KAZN: variants seen among roughly 807,000 people sequenced by gnomAD.
The protein encoded by KAZN is kazrin, periplakin interacting protein, also known as kazrin.
Under a neutral mutation model 87.4 loss-of-function variants are expected in KAZN, and 40 were observed. The observed-to-expected ratio is 0.46, with a 90% CI of 0.36 to 0.60. KAZN has a LOEUF of 0.60. Ranked by LOEUF, KAZN falls within the 20% of genes least tolerant of loss-of-function variation. The pLI, the probability that KAZN is intolerant of heterozygous loss-of-function variation, is 0.00. For synonymous variants in KAZN, 466 were observed against 458.3 expected (o/e 1.02, Z -0.22); for missense variants, 898 against 1,073.9 (o/e 0.84, Z 2.29).
At chr1:14,830,215 C>T (rs547258696) in intron 1 of KAZN, among the ~76,000 whole-genome samples, 1 of 152,280 alleles carries the variant, frequency 6.6e-6, no homozygotes, top group Admixed American at 6.5e-5. Flanking sequence ...GTTGGCTTCA[C>T]TCACAGACAG....
At chr1:14,757,609 C>A (rs1644605187) in intron 1 of KAZN, among the ~76,000 whole-genome samples, 1 of 152,182 alleles carries the variant, frequency 6.6e-6, no homozygotes, top group African/African-American at 2.4e-5. Context: ...ACTGTTGGTA[C>A]TTTTATGATA....
chr1:14,825,069 C>G (rs1646845956), intron 1 of KAZN, among the ~76,000 whole-genome samples: 1 of 152,278 alleles, frequency 6.6e-6, no homozygotes, highest in Admixed American at 6.5e-5. Flanking sequence ...GGTTCACCCA[C>G]AGCCTTCTCT....
intron 1 of KAZN, among the ~76,000 whole-genome samples, chr1:14,035,611 A>AGACATGAGT (rs1553187923): frequency 2.7e-4 from 41 of 150,324 alleles, no homozygotes; most frequent in African/African-American, 9.6e-4. Context: ...CTGGGACTAC[A>AGACATGAGT]GGCATGAGTC....
intron 1 of KAZN, among the ~76,000 whole-genome samples, chr1:14,013,093 G>A (rs1011915993): frequency 1.3e-5 from 2 of 152,108 alleles, no homozygotes; most frequent in African/African-American, 2.4e-5. Flanking sequence ...ACATTCATCT[G>A]TGCACCCCTG....
intron 1 of KAZN, among the ~76,000 whole-genome samples, chr1:14,030,083 G>C (rs1031904839): frequency 2.0e-5 from 3 of 151,580 alleles, no homozygotes. Flanking sequence ...CCATTTTCAC[G>C]ATATTGATTC....
At chr1:14,805,345 GAGGTA>G (rs1646174120) in intron 1 of KAZN, among the ~76,000 whole-genome samples, 1 of 152,212 alleles carries the variant, frequency 6.6e-6, no homozygotes, top group Admixed American at 6.5e-5. Flanking sequence ...GGGGAGAGGG[GAGGTA>G]GAGGCAGTTT....
chr1:14,394,911 T>C (rs1479049438), intron 2 of KAZN, among the ~76,000 whole-genome samples: 1 of 152,220 alleles, frequency 6.6e-6, no homozygotes, highest in South Asian at 2.1e-4. Flanking sequence ...GACCTAGCTT[T>C]GCAGACTCAG....
At chr1:14,626,978 A>G (rs893804892) in intron 1 of KAZN, among the ~76,000 whole-genome samples, 1 of 152,144 alleles carries the variant, frequency 6.6e-6, no homozygotes, top group East Asian at 1.9e-4. Context: ...GTCGCTTACC[A>G]GGACACTCGG....
chr1:14,672,288 AGTG>A (rs1440818724), intron 1 of KAZN, among the ~76,000 whole-genome samples: 1 of 152,098 alleles, frequency 6.6e-6, no homozygotes, highest in Non-Finnish European at 1.5e-5. Context: ...CTCCAAATCG[AGTG>A]GTAGGTTAAA....
At chr1:14,387,937 C>G (rs995020548) in intron 2 of KAZN, among the ~76,000 whole-genome samples, 40 of 152,188 alleles carry the variant, frequency 2.6e-4, no homozygotes, top group Non-Finnish European at 4.4e-5. Context: ...GCTGTTTGAT[C>G]TCAGACTGCT....
At chr1:14,317,755 C>T (rs1655757659) in intron 2 of KAZN, among the ~76,000 whole-genome samples, 2 of 151,834 alleles carry the variant, frequency 1.3e-5, no homozygotes, top group Admixed American at 1.3e-4. Context: ...AAACAACACA[C>T]AGCAGGTCCT....
chr1:13,959,285 C>T (rs1484812831), intron 1 of KAZN, among the ~76,000 whole-genome samples: 1 of 152,184 alleles, frequency 6.6e-6, no homozygotes, highest in Admixed American at 6.5e-5. Flanking sequence ...TTAGACTTCC[C>T]AGCCTCCAGA....
intron 1 of KAZN, among the ~76,000 whole-genome samples, chr1:14,852,850 G>A (rs1396936925): frequency 2.0e-5 from 3 of 152,192 alleles, no homozygotes; most frequent in South Asian, 2.1e-4. Context: ...AGCAACATGG[G>A]CCTCCCTAGG....
At chr1:14,198,688 A>G (rs535316478) in intron 2 of KAZN, among the ~76,000 whole-genome samples, 2 of 152,326 alleles carry the variant, frequency 1.3e-5, no homozygotes, top group African/African-American at 2.4e-5. Flanking sequence ...TGTGCCATCA[A>G]GAGGTGAATG....
chr1:14,929,139 C>T (rs1431508450), intron 1 of KAZN, among the ~76,000 whole-genome samples: 1 of 152,264 alleles, frequency 6.6e-6, no homozygotes, highest in Non-Finnish European at 1.5e-5. Flanking sequence ...GTGTGATTAG[C>T]ATCCTTTCCC....
At chr1:13,979,948 A>AG (rs1557759893) in intron 1 of KAZN, among the ~76,000 whole-genome samples, 1 of 150,402 alleles carries the variant, frequency 6.6e-6, no homozygotes, top group East Asian at 1.9e-4. Flanking sequence ...AAAAAAAAAA[A>AG]AAAGAATTTA....
chr1:14,066,393 A>G (rs534203256), intron 1 of KAZN, among the ~76,000 whole-genome samples: 343 of 152,286 alleles, frequency 2.3e-3, no homozygotes, highest in African/African-American at 7.8e-3. Context: ...AGAAATCTCC[A>G]CACCATTGGG....
intron 2 of KAZN, among the ~76,000 whole-genome samples, chr1:14,569,839 G>A (rs955304839): frequency 1.2e-4 from 18 of 151,216 alleles, no homozygotes; most frequent in African/African-American, 2.4e-4. Flanking sequence ...CCCACCAGGC[G>A]TGGTGGCTCA....
At chr1:14,795,181 A>G (rs1645793294) in intron 1 of KAZN, among the ~76,000 whole-genome samples, 1 of 152,100 alleles carries the variant, frequency 6.6e-6, no homozygotes, top group African/African-American at 2.4e-5. Context: ...GTGATCACGT[A>G]AGTCCGTTCT....
Sources: allele counts gnomAD v4.1 joint callset (sites outside exome capture counted in the v4.1 genomes callset), GRCh38; gene constraint gnomAD v4.1.1; transcripts MANE v1.5; gene names NCBI Gene and HGNC (gene_info 2026-07-23, HGNC 2026-07-21).